Variants in PRUNE2 observed in about 807,000 individuals in gnomAD.
The protein encoded by PRUNE2 is prune homolog 2 with BCH domain, also known as protein prune homolog 2.
In PRUNE2, 164 loss-of-function variants were observed where a neutral mutation model predicts 252.0. That is an observed-to-expected ratio of 0.65 (90% CI 0.57 to 0.74). The LOEUF (loss-of-function observed/expected upper bound fraction) is 0.74. Ranked by LOEUF, PRUNE2 falls within the 30% of genes least tolerant of loss-of-function variation. PRUNE2 has a pLI of 0.00. For missense variants in PRUNE2, 3,495 were observed against 3,711.0 expected (o/e 0.94, Z 1.51); for synonymous variants, 1,292 against 1,350.2 (o/e 0.96, Z 0.94).
intron 4 of PRUNE2, among the ~76,000 whole-genome samples, chr9:76,829,458 G>C (rs188360350): frequency 2.7e-3 from 406 of 152,272 alleles, no homozygotes; most frequent in African/African-American, 9.4e-3. Flanking sequence ...ACAAGGGTTG[G>C]AAAACTACAG....
chr9:76,825,290 A>G (rs2058281297), intron 5 of PRUNE2, among the ~76,000 whole-genome samples: 1 of 152,090 alleles, frequency 6.6e-6, no homozygotes, highest in Non-Finnish European at 1.5e-5. Context: ...TCATCACTCA[A>G]CTCACAAAAT....
At chr9:76,866,354 G>A (rs141419309) in intron 1 of PRUNE2, among the ~76,000 whole-genome samples, 35 of 152,360 alleles carry the variant, frequency 2.3e-4, no homozygotes, top group African/African-American at 8.4e-4. Flanking sequence ...CAAGGGTTTT[G>A]CCCTTAGGCA....
chr9:76,804,254 C>A (rs1185342412), intron 6 of PRUNE2, among the ~76,000 whole-genome samples: 2 of 152,202 alleles, frequency 1.3e-5, no homozygotes, highest in Non-Finnish European at 2.9e-5. Context: ...GCACGGGGCA[C>A]ACGGGCCTCT....
chr9:76,879,426 T>C (rs1225892901), intron 1 of PRUNE2, among the ~76,000 whole-genome samples: 5 of 152,182 alleles, frequency 3.3e-5, no homozygotes, highest in Non-Finnish European at 5.9e-5. Flanking sequence ...AGTGAACAAA[T>C]ATTTACTGAA....
chr9:76,691,684 C>G (rs551882301), intron 9 of PRUNE2, among the ~76,000 whole-genome samples: 1 of 152,260 alleles, frequency 6.6e-6, no homozygotes, highest in African/African-American at 2.4e-5. Flanking sequence ...TCCAAAGAGA[C>G]ATTATATTTC....
At chr9:76,686,111 G>C (rs1014732243) in intron 9 of PRUNE2, among the ~76,000 whole-genome samples, 3 of 152,212 alleles carry the variant, frequency 2.0e-5, no homozygotes, top group Non-Finnish European at 4.4e-5. Flanking sequence ...CTCTTGGGGA[G>C]AACTGATTCA....
chr9:76,615,089 T>C lies in PRUNE2; in HGVS notation c.9237-489A>G, dbSNP rs1828788365. 3 of 987,226 alleles carry C rather than the reference T, an allele frequency of 3.0e-6. No homozygotes were observed. In the South Asian group the frequency reaches 1.4e-4, roughly 46 times the overall value. The allele number at this position is 987,226 out of a possible 1,614,324, so 61.2% of individuals were successfully genotyped here. A position where few individuals can be genotyped will look rare whatever the true frequency, so the allele number is the denominator to read the frequency against. ...GCCAAAGGAATTGACTGAAAGGGGT[T>C]AGCCTACCTTACTGAGATGGATGTT... On this transcript the variant is annotated intron_variant, in intron 18 of 18. Coordinates refer to ENST00000376718, the MANE Select transcript of PRUNE2 (RefSeq NM_015225.3).
intron 4 of PRUNE2, among the ~76,000 whole-genome samples, chr9:76,838,220 G>T (rs949306968): frequency 2.3e-5 from 3 of 129,294 alleles, no homozygotes; most frequent in Non-Finnish European, 4.9e-5. Flanking sequence ...ATATTTTATG[G>T]AAGAAGGAAG....
intron 15 of PRUNE2, among the ~76,000 whole-genome samples, chr9:76,630,235 T>A (rs1196566290): frequency 6.6e-6 from 1 of 151,606 alleles, no homozygotes; most frequent in Non-Finnish European, 1.5e-5. Flanking sequence ...ATTTTTCTTT[T>A]TTTTTTAGTT....
chr9:76,615,332 G>C (rs757931147), intron 18 of PRUNE2: 2 of 646,392 alleles, frequency 3.1e-6, no homozygotes, highest in Middle Eastern at 7.9e-4. Flanking sequence ...TTTGCAAAGG[G>C]TGATTTGGCA....
At chr9:76,725,290 A>G (rs10869805) in intron 6 of PRUNE2, among the ~76,000 whole-genome samples, 31,423 of 152,154 alleles carry the variant, frequency 0.21, 3,622 homozygotes, top group East Asian at 0.49. Flanking sequence ...GACCAAATGA[A>G]GATCAAACTG....
intron 9 of PRUNE2, among the ~76,000 whole-genome samples, chr9:76,694,995 A>G (rs1364412227): frequency 6.6e-6 from 1 of 152,216 alleles, no homozygotes; most frequent in Non-Finnish European, 1.5e-5. Context: ...GGTATAATAG[A>G]TGACTAATTA....
intron 1 of PRUNE2, among the ~76,000 whole-genome samples, chr9:76,891,063 G>A (rs2062443487): frequency 6.6e-6 from 1 of 152,212 alleles, no homozygotes; most frequent in Admixed American, 6.5e-5. Flanking sequence ...AAGATTGGTA[G>A]GGAGATCTAT....
At chr9:76,626,257 A>C (rs786315) in intron 16 of PRUNE2, among the ~76,000 whole-genome samples, 69,046 of 152,068 alleles carry the variant, frequency 0.45, 18,810 homozygotes, top group Middle Eastern at 0.62. Flanking sequence ...AATGATTATA[A>C]ATTTGGTTCT....
chr9:76,746,554 A>C (rs1280977043), intron 6 of PRUNE2, among the ~76,000 whole-genome samples: 22 of 147,902 alleles, frequency 1.5e-4, no homozygotes, highest in Admixed American at 1.5e-3. Flanking sequence ...AAATACAAAA[A>C]ATTAGCCGGG....
Position 76,709,078 on chromosome 9 carries a change from A to G in PRUNE2, c.3196T>C (p.Ser1066Pro), listed in dbSNP as rs1331654088. ...KTEHTDGKNI[S>P]MEDDVGESSQ... ...CTTTCCCCGACGTCATCCTCCATGG[A>G]GATATTCTTACCATCTGTGTGCTCT... The change falls in exon 8 of 19, where the codon TCC (serine) becomes CCC (proline). Residue 1066 changes from serine to proline, a missense_variant. Coordinates refer to ENST00000376718, the MANE Select transcript of PRUNE2 (RefSeq NM_015225.3). 3 of 1,613,742 alleles carry G rather than the reference A, an allele frequency of 1.9e-6. No individual in the cohort carries two copies. Among genetic ancestry groups the G allele is most frequent in the African/African-American group, 1.3e-5 (1 of 74,864 alleles).
chr9:76,779,334 T>C (rs1443890970), intron 6 of PRUNE2, among the ~76,000 whole-genome samples: 1 of 152,010 alleles, frequency 6.6e-6, no homozygotes, highest in Non-Finnish European at 1.5e-5. Flanking sequence ...AGATTAAGGC[T>C]CTTTGTGGGG....
chr9:76,730,819 C>T (rs754442772), intron 6 of PRUNE2, among the ~76,000 whole-genome samples: 3 of 152,156 alleles, frequency 2.0e-5, no homozygotes, highest in Admixed American at 6.5e-5. Context: ...AGGAGAATCG[C>T]TTGAACTTGG....
intron 16 of PRUNE2, among the ~76,000 whole-genome samples, chr9:76,626,355 G>A (rs114311410): frequency 0.017 from 2,547 of 152,274 alleles, 61 homozygotes; most frequent in African/African-American, 0.057. Flanking sequence ...GCTGAGATTA[G>A]ATCCTTTGAA....
Sources: allele counts gnomAD v4.1 joint callset (sites outside exome capture counted in the v4.1 genomes callset), GRCh38; gene constraint gnomAD v4.1.1; transcripts MANE v1.5; gene names NCBI Gene and HGNC (gene_info 2026-07-23, HGNC 2026-07-21).